NBEA: variants seen among roughly 807,000 people sequenced by gnomAD.
The protein encoded by NBEA is neurobeachin, also known as lysosomal-trafficking regulator 2.
In NBEA, 44 loss-of-function variants were observed where a neutral mutation model predicts 343.4. The observed-to-expected ratio is 0.13, with a 90% CI of 0.10 to 0.16. The LOEUF (loss-of-function observed/expected upper bound fraction) is 0.16. Among genes scored for constraint, NBEA ranks in the 10% least tolerant of loss-of-function variants. The probability of loss-of-function intolerance (pLI) is 1.00; values close to 1 mark genes in which losing one functional copy is unlikely to be tolerated. For synonymous variants in NBEA, 1,175 were observed against 1,238.7 expected (o/e 0.95, Z 1.08); for missense variants, 2,555 against 3,631.3 (o/e 0.70, Z 7.62).
At chr13:35,283,386 T>A (rs933714817) in intron 34 of NBEA, among the ~76,000 whole-genome samples, 5 of 152,176 alleles carry the variant, frequency 3.3e-5, no homozygotes, top group Non-Finnish European at 5.9e-5. Context: ...GGATTACAAT[T>A]TAAAAGCACT....
intron 35 of NBEA, among the ~76,000 whole-genome samples, chr13:35,303,961 T>G (rs551767749): frequency 6.6e-6 from 1 of 152,262 alleles, no homozygotes; most frequent in African/African-American, 2.4e-5. Flanking sequence ...TCATCATACC[T>G]GACTTTCCTG....
intron 41 of NBEA, chr13:35,475,804 A>G (rs1291576710): frequency 6.2e-7 from 1 of 1,613,890 alleles, no homozygotes; most frequent in South Asian, 1.1e-5. Flanking sequence ...TTCCACCCAG[A>G]GGGACATGCT....
At chr13:35,210,055 G>A (rs1158120080) in intron 32 of NBEA, among the ~76,000 whole-genome samples, 2 of 151,938 alleles carry the variant, frequency 1.3e-5, no homozygotes, top group African/African-American at 4.8e-5. Context: ...AAAGTGTAAA[G>A]GTTTTAAAAA....
At chr13:35,460,835 T>G (rs2046861941) in intron 40 of NBEA, among the ~76,000 whole-genome samples, 1 of 152,204 alleles carries the variant, frequency 6.6e-6, no homozygotes, top group African/African-American at 2.4e-5. Context: ...GAAAAGAAAC[T>G]TATTTTATAC....
chr13:35,119,478 C>T lies in NBEA; in HGVS notation c.2243+1004C>T, dbSNP rs150093309. Among the ~76,000 whole-genome samples, 520 of 152,278 alleles carry T rather than the reference C, an allele frequency of 3.4e-3. 2 individuals are homozygous for T. Among genetic ancestry groups the T allele is most frequent in the Middle Eastern group, 6.8e-3 (2 of 294 alleles). ...GAGAAGCAATCACTATCTCTTTATG[C>T]ATATCTCAGTTGTGATATGAGTATT... On this transcript the variant is annotated intron_variant, in intron 16 of 58. Transcript: ENST00000379939.
At chr13:35,459,955 C>T (rs1029681986) in intron 40 of NBEA, among the ~76,000 whole-genome samples, 6 of 152,200 alleles carry the variant, frequency 3.9e-5, no homozygotes, top group Non-Finnish European at 7.3e-5. Context: ...TCAAATCCAT[C>T]TGCTTAAGCC....
At chr13:35,112,050 G>C (rs1482828234) in intron 13 of NBEA, among the ~76,000 whole-genome samples, 3 of 151,054 alleles carry the variant, frequency 2.0e-5, no homozygotes, top group African/African-American at 7.3e-5. Context: ...CCGAGTAGCT[G>C]GGACTACAGG....
intron 41 of NBEA, among the ~76,000 whole-genome samples, chr13:35,531,716 A>G (rs562487652): frequency 1.3e-5 from 2 of 152,282 alleles, no homozygotes; most frequent in South Asian, 2.1e-4. Context: ...ATATAATCCA[A>G]TTTTAATTGA....
chr13:35,215,459 G>T (rs2074014022), intron 33 of NBEA, among the ~76,000 whole-genome samples: 2 of 151,552 alleles, frequency 1.3e-5, no homozygotes. Context: ...AGACCAAAAA[G>T]AGTACATAGT....
At chr13:35,161,040 G>GGA (rs527689371) in intron 22 of NBEA, among the ~76,000 whole-genome samples, 5 of 152,196 alleles carry the variant, frequency 3.3e-5, no homozygotes, top group Admixed American at 3.3e-4. Context: ...TCGTGTGTGG[G>GGA]GAAAGTATTT....
chr13:34,960,279 T>C (rs2059620499), intron 1 of NBEA, among the ~76,000 whole-genome samples: 1 of 152,138 alleles, frequency 6.6e-6, no homozygotes, highest in African/African-American at 2.4e-5. Context: ...AAAGAAAATA[T>C]TTTTGTATAG....
intron 7 of NBEA, among the ~76,000 whole-genome samples, chr13:35,057,226 T>C (rs2063302686): frequency 6.6e-6 from 1 of 152,154 alleles, no homozygotes; most frequent in African/African-American, 2.4e-5. Flanking sequence ...TGTTTGCATC[T>C]CTCTAGGCTT....
chr13:35,073,679 G>A (rs1209706120), intron 10 of NBEA, among the ~76,000 whole-genome samples: 1 of 152,040 alleles, frequency 6.6e-6, no homozygotes, highest in African/African-American at 2.4e-5. Flanking sequence ...GGTGGCTAAC[G>A]TCTGTAATCC....
At chr13:35,348,145 ATGT>A (rs1357236377) in intron 36 of NBEA, among the ~76,000 whole-genome samples, 2 of 152,224 alleles carry the variant, frequency 1.3e-5, no homozygotes, top group South Asian at 2.1e-4. Flanking sequence ...GGGATGGGAA[ATGT>A]TGTTGCAGCC....
chr13:35,576,734 GA>G (rs1330670089), intron 45 of NBEA, among the ~76,000 whole-genome samples: 2 of 151,998 alleles, frequency 1.3e-5, no homozygotes, highest in Non-Finnish European at 2.9e-5. Context: ...AAAACTATAT[GA>G]TTTTTTAAAT....
At chr13:35,114,320 G>T (rs1032379465) in intron 13 of NBEA, among the ~76,000 whole-genome samples, 6 of 152,022 alleles carry the variant, frequency 3.9e-5, no homozygotes, top group African/African-American at 1.4e-4. Context: ...TAAATTTGCC[G>T]CTTTCTTCTT....
chr13:35,027,858 A>C lies in NBEA; in HGVS notation c.295-13075A>C, dbSNP rs543616632. Among the ~76,000 whole-genome samples the C allele has an allele frequency of 1.1e-4, 16 of 152,046 alleles. 1 individual carries two copies. The East Asian group carries it at 2.9e-3, about 28-fold the overall frequency. On this transcript the variant is annotated intron_variant, in intron 1 of 58. Coordinates refer to ENST00000379939, the MANE Select transcript of NBEA (RefSeq NM_001385012.1). ...GAGTTAATTTTTATAAAAGATATGA[A>C]ATATCTTATAGGTGGAGGTTCATGT...
chr13:35,163,658 G>A (rs1179752601), intron 23 of NBEA, among the ~76,000 whole-genome samples: 17 of 151,314 alleles, frequency 1.1e-4, no homozygotes, highest in South Asian at 8.3e-4. Context: ...GACACCAAAC[G>A]AAAGCAGGGT....
At chr13:35,279,999 C>G (rs1357808034) in intron 34 of NBEA, among the ~76,000 whole-genome samples, 3 of 152,036 alleles carry the variant, frequency 2.0e-5, no homozygotes, top group Admixed American at 6.6e-5. Context: ...ACATATAAGA[C>G]TATTTTCTAA....
Sources: allele counts gnomAD v4.1 joint callset (sites outside exome capture counted in the v4.1 genomes callset), GRCh38; gene constraint gnomAD v4.1.1; transcripts MANE v1.5; gene names NCBI Gene and HGNC (gene_info 2026-07-23, HGNC 2026-07-21).